DSCAM: variants seen among roughly 807,000 people sequenced by gnomAD.
DSCAM encodes the protein cell adhesion molecule DSCAM.
Under a neutral mutation model 217.7 loss-of-function variants are expected in DSCAM, and 47 were observed. That is an observed-to-expected ratio of 0.22 (90% CI 0.17 to 0.28). The LOEUF (loss-of-function observed/expected upper bound fraction) is 0.28, where lower values mean the gene tolerates loss of function less well. Among genes scored for constraint, DSCAM ranks in the 10% least tolerant of loss-of-function variants. The pLI is 1.00. For synonymous variants in DSCAM, 1,056 were observed against 1,015.3 expected (o/e 1.04, Z -0.76); for missense variants, 2,080 against 2,618.3 (o/e 0.79, Z 4.49).
intron 3 of DSCAM, among the ~76,000 whole-genome samples, chr21:40,447,553 C>T (rs2075684870): frequency 6.6e-6 from 1 of 152,152 alleles, no homozygotes; most frequent in Non-Finnish European, 1.5e-5. Context: ...ACATTCCAGA[C>T]CCAATGGAAA....
At chr21:40,432,310 G>C (rs1051887270) in intron 3 of DSCAM, among the ~76,000 whole-genome samples, 1 of 152,176 alleles carries the variant, frequency 6.6e-6, no homozygotes, top group African/African-American at 2.4e-5. Flanking sequence ...AGAGGCTTCA[G>C]TGGAGAATCT....
At chr21:40,354,734 A>G (rs2074672056) in intron 4 of DSCAM, among the ~76,000 whole-genome samples, 1 of 151,658 alleles carries the variant, frequency 6.6e-6, no homozygotes. Context: ...CTGTAGTCCC[A>G]GCTACTCGGG....
At position 40,653,020 on chromosome 21, in the gene DSCAM, A is replaced by G. The variant is rs533834304; in HGVS notation, c.508+39790T>C. 1.6e-4 allele frequency among the ~76,000 whole-genome samples: 24 copies of G among 152,298 alleles called. No homozygotes were observed. In the South Asian group the frequency reaches 5.0e-3, roughly 32 times the overall value. On this transcript the variant is annotated intron_variant, in intron 3 of 32. Transcript: ENST00000400454. Reference sequence around the variant, plus strand: ...ATGATACTCTGTATGTGTTGTCACAACTTCTTACTGGAAGAGTTAAGCCCT... The same window carrying G: ...ATGATACTCTGTATGTGTTGTCACAGCTTCTTACTGGAAGAGTTAAGCCCT...
chr21:40,732,244 C>T (rs1349263758), intron 1 of DSCAM, among the ~76,000 whole-genome samples: 1 of 152,178 alleles, frequency 6.6e-6, no homozygotes, highest in Admixed American at 6.5e-5. Context: ...TCTATTATAT[C>T]ACCCTAGGAC....
intron 3 of DSCAM, among the ~76,000 whole-genome samples, chr21:40,663,248 G>A (rs1408577044): frequency 1.9e-5 from 2 of 105,632 alleles, no homozygotes; most frequent in East Asian, 3.2e-4. Flanking sequence ...GCATGTGAGT[G>A]TATGTCAAAG....
intron 1 of DSCAM, among the ~76,000 whole-genome samples, chr21:40,776,910 G>A (rs1571724): frequency 0.82 from 125,025 of 152,206 alleles, 51,485 homozygotes; most frequent in African/African-American, 0.83. Flanking sequence ...AGAAAAGAGG[G>A]AAAATCATTA....
At chr21:40,773,547 A>C (rs1280789110) in intron 1 of DSCAM, among the ~76,000 whole-genome samples, 1 of 152,210 alleles carries the variant, frequency 6.6e-6, no homozygotes, top group African/African-American at 2.4e-5. Context: ...ACTCTATTTC[A>C]AAATAAGGTC....
At chr21:40,079,519 T>A (rs7282774) in intron 25 of DSCAM, among the ~76,000 whole-genome samples, 17,531 of 152,128 alleles carry the variant, frequency 0.12, 1,159 homozygotes, top group East Asian at 0.27. Context: ...ATCTCATTAC[T>A]CGCTCTCCTG....
chr21:40,712,901 C>A (rs1405795668), intron 1 of DSCAM, among the ~76,000 whole-genome samples: 1 of 152,080 alleles, frequency 6.6e-6, no homozygotes, highest in Non-Finnish European at 1.5e-5. Context: ...CAAACTGTGG[C>A]CCCCCTTCCA....
intron 18 of DSCAM, among the ~76,000 whole-genome samples, chr21:40,139,080 A>G (rs1170858067): frequency 7.9e-6 from 1 of 126,256 alleles, no homozygotes. Context: ...GTGTGTATGC[A>G]TGAGTATGTG....
At chr21:40,165,982 A>C (rs1377657470) in intron 16 of DSCAM, among the ~76,000 whole-genome samples, 1 of 152,178 alleles carries the variant, frequency 6.6e-6, no homozygotes, top group Non-Finnish European at 1.5e-5. Flanking sequence ...CTATGCAGCT[A>C]AACAGTCATA....
At chr21:40,412,128 C>T (rs1256017308) in intron 3 of DSCAM, among the ~76,000 whole-genome samples, 1 of 152,186 alleles carries the variant, frequency 6.6e-6, no homozygotes. Flanking sequence ...GATTTTGAGG[C>T]TCCCCCAGCC....
intron 18 of DSCAM, among the ~76,000 whole-genome samples, chr21:40,140,095 C>G (rs548605590): frequency 4.7e-4 from 71 of 152,144 alleles, no homozygotes; most frequent in African/African-American, 1.7e-3. Context: ...GTCCCGGAGG[C>G]TGCAGTCTGG....
intron 4 of DSCAM, among the ~76,000 whole-genome samples, chr21:40,356,012 G>C (rs542222991): frequency 4.6e-4 from 70 of 152,176 alleles, no homozygotes; most frequent in African/African-American, 1.6e-3. Flanking sequence ...GTGTATATAG[G>C]AATGATATTC....
In DSCAM at chr21:40,044,069, A is replaced by T. The variant is rs200011504; in HGVS notation, c.5383+9T>A. Reference sequence around the variant, plus strand: ...CCCCAGGGACGGAGGAGGCAGCGTCAGGGCCTACCTGTGTCTTGCGAGGGG... The same window carrying T: ...CCCCAGGGACGGAGGAGGCAGCGTCTGGGCCTACCTGTGTCTTGCGAGGGG... On this transcript the variant is annotated intron_variant, in intron 31 of 32. Coordinates refer to ENST00000400454, the MANE Select transcript of DSCAM (RefSeq NM_001389.5). 1,836 of 1,613,010 alleles carry T rather than the reference A, an allele frequency of 1.1e-3. 9 individuals are homozygous for T. In the Middle Eastern group the frequency reaches 0.022, roughly 19 times the overall value.
At chr21:40,422,476 A>T (rs977458190) in intron 3 of DSCAM, among the ~76,000 whole-genome samples, 39 of 53,868 alleles carry the variant, frequency 7.2e-4, no homozygotes, top group African/African-American at 1.7e-3. Flanking sequence ...CTAAAAAAAA[A>T]TATATATATA....
chr21:40,219,569 A>C (rs1016293600), intron 11 of DSCAM, among the ~76,000 whole-genome samples: 2 of 152,146 alleles, frequency 1.3e-5, no homozygotes, highest in Non-Finnish European at 2.9e-5. Context: ...TATAACTTTT[A>C]TTTCTTTGGT....
chr21:40,250,355 T>C (rs2073285912), intron 11 of DSCAM, among the ~76,000 whole-genome samples: 1 of 152,188 alleles, frequency 6.6e-6, no homozygotes, highest in Non-Finnish European at 1.5e-5. Context: ...GGCTACTTCC[T>C]TTAAGGTTGT....
chr21:40,775,627 G>C (rs534731115), intron 1 of DSCAM, among the ~76,000 whole-genome samples: 5 of 152,262 alleles, frequency 3.3e-5, no homozygotes, highest in African/African-American at 1.2e-4. Context: ...TGCTGCCTTG[G>C]ACATCAGAAC....
Sources: allele counts gnomAD v4.1 joint callset (sites outside exome capture counted in the v4.1 genomes callset), GRCh38; gene constraint gnomAD v4.1.1; transcripts MANE v1.5; gene names NCBI Gene and HGNC (gene_info 2026-07-23, HGNC 2026-07-21).